The following SLC9B2 variants were observed in gnomAD, a reference collection of about 807,000 sequenced individuals.
The protein encoded by SLC9B2 is sodium/hydrogen exchanger 9B2.
Under a neutral mutation model 52.2 loss-of-function variants are expected in SLC9B2, and 39 were observed. That is an observed-to-expected ratio of 0.75 (90% CI 0.58 to 0.98). The LOEUF (loss-of-function observed/expected upper bound fraction) is 0.98. Ranked by LOEUF, SLC9B2 falls within the 50% of genes least tolerant of loss-of-function variation. The pLI, the probability that SLC9B2 is intolerant of heterozygous loss-of-function variation, is 0.00. For synonymous variants in SLC9B2, 214 were observed against 227.0 expected (o/e 0.94, Z 0.51); for missense variants, 626 against 637.5 (o/e 0.98, Z 0.19).
chr4:103,063,325 AAACTGACT>A (rs904792781), intron 3 of SLC9B2, among the ~76,000 whole-genome samples: 1 of 152,220 alleles, frequency 6.6e-6, no homozygotes, highest in Non-Finnish European at 1.5e-5. Context: ...TTAGTTAAGT[AAACTGACT>A]TGGTTTCATT....
chr4:103,045,545 A>AC, intron 7 of SLC9B2, among the ~76,000 whole-genome samples: 1 of 149,476 alleles, frequency 6.7e-6, no homozygotes, highest in Admixed American at 6.6e-5. Flanking sequence ...CTTGGGCCCC[A>AC]CCCCTAAAAA....
chr4:103,049,512 T>C (rs910056173), intron 5 of SLC9B2, among the ~76,000 whole-genome samples: 2 of 152,230 alleles, frequency 1.3e-5, no homozygotes, highest in African/African-American at 2.4e-5. Context: ...AAAGGCATAC[T>C]TGACCCTCAT....
At chr4:103,019,549 A>G, downstream of SLC9B2, 1 of 982,390 alleles carries the variant, frequency 1.0e-6, no homozygotes, top group Middle Eastern at 5.3e-4. Context: ...CAGACCCGGG[A>G]CTAGCGCCAA....
chr4:103,071,490 T>C (rs955628274), intron 1 of SLC9B2, among the ~76,000 whole-genome samples: 2 of 151,940 alleles, frequency 1.3e-5, no homozygotes, highest in Non-Finnish European at 2.9e-5. Context: ...GTTCAAGTGA[T>C]TCTCCTGCCT....
intron 1 of SLC9B2, among the ~76,000 whole-genome samples, chr4:103,072,786 T>C (rs1006570708): frequency 2.0e-5 from 3 of 152,172 alleles, no homozygotes; most frequent in African/African-American, 7.2e-5. Context: ...TTATGGAGAA[T>C]TTACATATAT....
At chr4:103,020,657 T>C (rs1465809337), downstream of SLC9B2, among the ~76,000 whole-genome samples, 1 of 152,186 alleles carries the variant, frequency 6.6e-6, no homozygotes, top group African/African-American at 2.4e-5. Flanking sequence ...TTGACGTTGT[T>C]GAGACAGGGT....
At chr4:103,059,857 T>C (rs938444019) in intron 3 of SLC9B2, among the ~76,000 whole-genome samples, 5 of 152,198 alleles carry the variant, frequency 3.3e-5, no homozygotes, top group African/African-American at 1.2e-4. Context: ...CTTAGTTGTA[T>C]CATCTGGAAT....
chr4:103,052,282 G>A (rs1480091341), intron 4 of SLC9B2, among the ~76,000 whole-genome samples: 1 of 152,212 alleles, frequency 6.6e-6, no homozygotes, highest in Non-Finnish European at 1.5e-5. Context: ...ATGCTCCTAT[G>A]AGAATCTAAT....
At chr4:103,074,727 T>G (rs182366072) in intron 1 of SLC9B2, among the ~76,000 whole-genome samples, 51 of 152,350 alleles carry the variant, frequency 3.3e-4, no homozygotes, top group Non-Finnish European at 6.2e-4. Flanking sequence ...GTTGGACTTA[T>G]AAACGTTTGG....
At chr4:103,059,909 A>T (rs1015577129) in intron 3 of SLC9B2, among the ~76,000 whole-genome samples, 4 of 152,068 alleles carry the variant, frequency 2.6e-5, no homozygotes, top group Non-Finnish European at 5.9e-5. Context: ...TTCTAGGTAT[A>T]CCTCAGTTTT....
rs1578476846 is a variant in SLC9B2 at position 103,062,613 on chromosome 4, G to T, written c.271+3714C>A. 2.0e-5 allele frequency among the ~76,000 whole-genome samples: 3 copies of T among 152,080 alleles called. No individual in the cohort carries two copies. The East Asian group carries it at 5.8e-4, about 29-fold the overall frequency. ...GAAAACCACAAATTTTCACATGTAA[G>T]ATTTACTTTTTTTATTTTTATTTTT... On this transcript the variant is annotated intron_variant, in intron 3 of 11. Coordinates refer to ENST00000394785, the MANE Select transcript of SLC9B2 (RefSeq NM_178833.7).
At chr4:103,031,881 A>T in intron 9 of SLC9B2, 73 bp from the exon 10 acceptor site, 2 of 1,450,826 alleles carry the variant, frequency 1.4e-6, no homozygotes, top group South Asian at 2.4e-5. Context: ...TATTAATTTG[A>T]GGTTTGAATT....
chr4:103,058,106 G>C (rs1159030667), intron 3 of SLC9B2, 135 bp from the exon 4 acceptor site: 1 of 845,326 alleles, frequency 1.2e-6, no homozygotes, highest in Non-Finnish European at 1.8e-6. Context: ...TCTGTAAAGA[G>C]TATCAGTAAG....
chr4:103,040,663 C>G (rs1321277127), intron 9 of SLC9B2, among the ~76,000 whole-genome samples: 1 of 151,898 alleles, frequency 6.6e-6, no homozygotes, highest in African/African-American at 2.4e-5. Flanking sequence ...AGATAATGAA[C>G]AAAAGACCTA....
intron 9 of SLC9B2, among the ~76,000 whole-genome samples, chr4:103,042,735 T>C (rs1264068043): frequency 3.3e-5 from 5 of 151,672 alleles, no homozygotes; most frequent in Non-Finnish European, 7.4e-5. Context: ...ATCAAAAGTA[T>C]AAATGTGAGT....
chr4:103,053,379 G>A (rs1578465234), intron 4 of SLC9B2, among the ~76,000 whole-genome samples: 2 of 152,204 alleles, frequency 1.3e-5, no homozygotes, highest in East Asian at 3.9e-4. Context: ...CTTCCTCTAT[G>A]CAAGTATACA....
intron 3 of SLC9B2, among the ~76,000 whole-genome samples, chr4:103,062,672 G>A (rs1745770289): frequency 6.6e-6 from 1 of 152,106 alleles, no homozygotes; most frequent in Admixed American, 6.5e-5. Context: ...CCAGGCTGCA[G>A]TGCAATGGCA....
chr4:103,032,101 G>A (rs541097657), intron 9 of SLC9B2, among the ~76,000 whole-genome samples: 10 of 152,216 alleles, frequency 6.6e-5, no homozygotes, highest in South Asian at 6.2e-4. Flanking sequence ...TACATCGTGT[G>A]TATGTGCATG....
chr4:103,048,012 T>C (rs563672810), intron 6 of SLC9B2, among the ~76,000 whole-genome samples: 19 of 152,266 alleles, frequency 1.2e-4, no homozygotes, highest in African/African-American at 2.9e-4. Context: ...ATTCATGTTA[T>C]AAGGTTTGAA....
Sources: allele counts gnomAD v4.1 joint callset (sites outside exome capture counted in the v4.1 genomes callset), GRCh38; gene constraint gnomAD v4.1.1; transcripts MANE v1.5; gene names NCBI Gene and HGNC (gene_info 2026-07-23, HGNC 2026-07-21).